Variants in RASGRF2 observed in about 807,000 individuals in gnomAD.
RASGRF2 encodes Ras protein specific guanine nucleotide releasing factor 2, also known as ras-specific guanine nucleotide-releasing factor 2.
A neutral mutation model predicts 151.0 loss-of-function variants in RASGRF2; 76 were observed. The ratio of observed to expected loss-of-function variants is 0.50; its 90% CI spans 0.42 to 0.61. The LOEUF is 0.61. Ranked by LOEUF, RASGRF2 falls within the 20% of genes least tolerant of loss-of-function variation. RASGRF2 has a pLI of 0.00. For missense variants in RASGRF2, 1,148 were observed against 1,564.6 expected, an observed-to-expected ratio of 0.73 and a Z score of 4.49; for synonymous variants, 504 against 566.5, an observed-to-expected ratio of 0.89 and a Z score of 1.57.
rs781623102 is a variant in RASGRF2 at position 81,112,655 on chromosome 5, T to C, written c.1884T>C (p.Ser628=). 1 of 1,614,190 alleles carries C rather than the reference T, an allele frequency of 6.2e-7. No individual in the cohort carries two copies. Among genetic ancestry groups the C allele is most frequent in the Admixed American group, 1.7e-5 (1 of 60,018 alleles). ...LHKDDTDICF[S]KTLNSCKVPQ... is the part of the protein sequence containing the mutation. ...AAGACGACACTGACATTTGCTTCAG[T>C]AAAACACTCAACTCCTGCAAAGTGC... Residue 628 remains serine, a synonymous_variant, in exon 14 of 27, where the codon AGT becomes AGC. Coordinates refer to ENST00000265080, the MANE Select transcript of RASGRF2 (RefSeq NM_006909.3).
intron 15 of RASGRF2, among the ~76,000 whole-genome samples, chr5:81,117,965 G>A (rs1349529095): frequency 1.3e-5 from 2 of 152,222 alleles, no homozygotes; most frequent in East Asian, 3.8e-4. Context: ...TGCCTCCTGA[G>A]TACACTGGGG....
chr5:81,076,380 A>G (rs1230271483), intron 5 of RASGRF2, among the ~76,000 whole-genome samples: 1 of 152,270 alleles, frequency 6.6e-6, no homozygotes, highest in Non-Finnish European at 1.5e-5. Context: ...AGAGATTGTC[A>G]TTAGCTGGGA....
intron 15 of RASGRF2, among the ~76,000 whole-genome samples, chr5:81,119,579 A>G (rs576020153): frequency 4.9e-4 from 75 of 152,362 alleles, no homozygotes; most frequent in Middle Eastern, 3.4e-3. Flanking sequence ...AGCTGGATCA[A>G]GCTCTTAGGG....
At chr5:81,159,318 C>A (rs1028039002) in intron 17 of RASGRF2, among the ~76,000 whole-genome samples, 2 of 152,252 alleles carry the variant, frequency 1.3e-5, no homozygotes, top group Non-Finnish European at 2.9e-5. Context: ...AACTTCCCAA[C>A]TCTGCCTTTG....
chr5:81,022,044 C>T (rs548143561), intron 1 of RASGRF2, among the ~76,000 whole-genome samples: 18 of 152,238 alleles, frequency 1.2e-4, no homozygotes, highest in Admixed American at 3.3e-4. Context: ...ACACCTTAAA[C>T]GATTCTTGAG....
chr5:81,198,005 A>G (rs1755305377), intron 18 of RASGRF2, among the ~76,000 whole-genome samples: 1 of 152,220 alleles, frequency 6.6e-6, no homozygotes, highest in African/African-American at 2.4e-5. Flanking sequence ...AAAAATTGCC[A>G]GAATAAAAGA....
At chr5:81,061,266 C>T (rs889468531) in intron 2 of RASGRF2, among the ~76,000 whole-genome samples, 3 of 151,548 alleles carry the variant, frequency 2.0e-5, no homozygotes, top group African/African-American at 7.3e-5. Context: ...TTTTGTATCT[C>T]GTTGTGCAAG....
chr5:81,105,690 CTG>C (rs1036589072), intron 12 of RASGRF2, among the ~76,000 whole-genome samples: 1 of 152,210 alleles, frequency 6.6e-6, no homozygotes, highest in African/African-American at 2.4e-5. Flanking sequence ...TTCAGAAACA[CTG>C]AGAGTGAAAA....
chr5:81,206,729 C>G, intron 19 of RASGRF2, 116 bp from the exon 20 acceptor site: 1 of 816,042 alleles, frequency 1.2e-6, no homozygotes, highest in Non-Finnish European at 2.1e-6. Flanking sequence ...GCTGCATGGC[C>G]TTGTAGACCC....
chr5:80,964,646 C>CT (rs2112203114), intron 1 of RASGRF2, among the ~76,000 whole-genome samples: 1 of 152,178 alleles, frequency 6.6e-6, no homozygotes, highest in Admixed American at 6.5e-5. Flanking sequence ...TGGATGGGGG[C>CT]TTGGGGTATA....
rs190038734 is a variant in RASGRF2, at chr5:81,095,683, A to G, written c.1755+691A>G. Among the ~76,000 whole-genome samples the G allele has an allele frequency of 3.0e-4, 45 of 152,252 alleles. No homozygotes were observed. The East Asian group carries it at 6.4e-3, about 22-fold the overall frequency. ...AATATTTTTTAAGGACTTGATAATT[A>G]TTTTCAAAGTTGTTAACTCAAAGAA... On this transcript the variant is annotated intron_variant, in intron 12 of 26. Coordinates refer to ENST00000265080, the MANE Select transcript of RASGRF2 (RefSeq NM_006909.3).
At chr5:81,126,007 C>T (rs570563681) in intron 16 of RASGRF2, among the ~76,000 whole-genome samples, 1 of 152,374 alleles carries the variant, frequency 6.6e-6, no homozygotes, top group African/African-American at 2.4e-5. Context: ...CTGTTTTATG[C>T]GTTTGTGCTT....
chr5:81,053,110 T>G (rs1004702962), intron 2 of RASGRF2, among the ~76,000 whole-genome samples: 3 of 152,146 alleles, frequency 2.0e-5, no homozygotes, highest in Non-Finnish European at 4.4e-5. Flanking sequence ...AAGCCCACAA[T>G]GGATAAGATA....
chr5:81,174,930 A>G (rs1754740942), intron 17 of RASGRF2, among the ~76,000 whole-genome samples: 1 of 152,232 alleles, frequency 6.6e-6, no homozygotes, highest in Non-Finnish European at 1.5e-5. Flanking sequence ...CTTTCTCCAA[A>G]TAGCCAAATA....
intron 1 of RASGRF2, among the ~76,000 whole-genome samples, chr5:81,018,476 C>T (rs1260291364): frequency 6.6e-6 from 1 of 152,056 alleles, no homozygotes; most frequent in Non-Finnish European, 1.5e-5. Context: ...AAGGGCCAGA[C>T]GTACCGGGAA....
At chr5:81,191,315 A>G (rs897757039) in intron 18 of RASGRF2, among the ~76,000 whole-genome samples, 1 of 152,076 alleles carries the variant, frequency 6.6e-6, no homozygotes, top group Non-Finnish European at 1.5e-5. Context: ...CTCTTTGCAT[A>G]AAGTCTCTCC....
chr5:81,061,441 C>T (rs548712124), intron 2 of RASGRF2, among the ~76,000 whole-genome samples: 5 of 151,732 alleles, frequency 3.3e-5, no homozygotes, highest in Non-Finnish European at 5.9e-5. Context: ...TTTGTTAGCC[C>T]TGAGTACTAT....
intron 1 of RASGRF2, among the ~76,000 whole-genome samples, chr5:81,037,415 C>A (rs937420705): frequency 2.0e-5 from 3 of 152,162 alleles, no homozygotes; most frequent in Admixed American, 2.0e-4. Flanking sequence ...TCAATGCTAT[C>A]CTAATTTCAC....
chr5:81,223,952 G>A (rs73130855), intron 26 of RASGRF2, among the ~76,000 whole-genome samples: 12,954 of 152,192 alleles, frequency 0.085, 649 homozygotes, highest in Non-Finnish European at 0.11. Flanking sequence ...CTTAAGCACA[G>A]AATGCAAAAG....
Sources: gnomAD v4.1 joint callset for allele counts (sites outside exome capture counted in the v4.1 genomes callset) on GRCh38, gnomAD v4.1.1 for gene constraint, MANE v1.5 for transcripts, NCBI Gene and HGNC (gene_info 2026-07-23, HGNC 2026-07-21) for gene names.